The following FBXO27 variants were observed in gnomAD, a reference collection of about 807,000 sequenced individuals.
FBXO27 encodes the protein F-box protein 27.
A neutral mutation model predicts 28.3 loss-of-function variants in FBXO27; 28 were observed. The observed-to-expected ratio is 0.99, with a 90% CI of 0.73 to 1.36. FBXO27 has a LOEUF of 1.36. FBXO27 is among the 40% of genes most tolerant of loss of function. The pLI, the probability that FBXO27 is intolerant of heterozygous loss-of-function variation, is 0.00. For missense variants in FBXO27, 388 were observed against 394.1 expected, an observed-to-expected ratio of 0.98 and a Z score of 0.13; for synonymous variants, 175 against 167.3, an observed-to-expected ratio of 1.05 and a Z score of -0.36.
downstream of FBXO27, among the ~76,000 whole-genome samples, chr19:39,019,980 T>C (rs1338389913): frequency 6.6e-6 from 1 of 152,120 alleles, no homozygotes; most frequent in Non-Finnish European, 1.5e-5. Context: ...CTCAAACTCC[T>C]GATCTCAAGC....
At chr19:39,027,550 C>T (rs1202185300) in intron 4 of FBXO27, among the ~76,000 whole-genome samples, 2 of 152,080 alleles carry the variant, frequency 1.3e-5, no homozygotes, top group Admixed American at 1.3e-4. Flanking sequence ...TGCTCTATGC[C>T]CTCCTTTTCT....
rs1600227790 is a variant in FBXO27, at chr19:39,026,980, A to G, written c.598T>C (p.Cys200Arg). ...DWWGARHDSGCMYRLLVQLLD... is the reference protein window; with the variant it reads ...DWWGARHDSGRMYRLLVQLLD... The stretch of plus-strand genomic sequence containing the variant: ...AGTTGGACGAGGAGTCTGTACATAC[A>G]GCCGCTGTCGTGTCGGGCTCCCCAC... Residue 200 changes from cysteine (C) to arginine (R), a missense_variant, in exon 5 of 6, where the codon TGT becomes CGT. By Grantham distance (180) the Cys-to-Arg change is radical. Coordinates refer to ENST00000292853, the MANE Select transcript of FBXO27 (RefSeq NM_178820.5). 4 of 1,614,208 alleles carry G rather than the reference A, an allele frequency of 2.5e-6. No individual in the cohort carries two copies. In the East Asian group the frequency reaches 8.9e-5, roughly 36 times the overall value.
chr19:39,031,667 C>A (rs1487211924), intron 2 of FBXO27, among the ~76,000 whole-genome samples, 197 bp downstream of exon 2: 1 of 151,658 alleles, frequency 6.6e-6, no homozygotes, highest in Non-Finnish European at 1.5e-5. Context: ...CCCACCGGCT[C>A]CCAATGCTGC....
chr19:39,015,621 GACCCTGTC>G (rs1253102906), intron 1 of FBXO27, among the ~76,000 whole-genome samples: 3 of 152,120 alleles, frequency 2.0e-5, no homozygotes, highest in Non-Finnish European at 4.4e-5. Context: ...AACAGAGTGA[GACCCTGTC>G]TCTAAAAGTG....
chr19:39,016,418 C>T (rs868509793), intron 1 of FBXO27, among the ~76,000 whole-genome samples: 12 of 151,800 alleles, frequency 7.9e-5, no homozygotes, highest in Middle Eastern at 3.4e-3. Context: ...GAACTCTGTA[C>T]TTTCTGCTCA....
chr19:39,021,669 A>AT (rs71202491), downstream of FBXO27, among the ~76,000 whole-genome samples: 68 of 148,574 alleles, frequency 4.6e-4, no homozygotes, highest in East Asian at 7.8e-4. Flanking sequence ...TTATACTCAG[A>AT]TTTTTTTTTT....
At chr19:39,024,005 A>C (rs1041805631), downstream of FBXO27, 8 of 152,182 alleles carry the variant, frequency 5.3e-5, no homozygotes, top group African/African-American at 1.9e-4. Context: ...ATTTCTATTA[A>C]AAAGATCTGA....
chr19:39,016,120 G>A (rs2072818503), intron 1 of FBXO27, among the ~76,000 whole-genome samples: 1 of 152,126 alleles, frequency 6.6e-6, no homozygotes, highest in Non-Finnish European at 1.5e-5. Flanking sequence ...GTCCTCTGGG[G>A]TTGAGGGAGG....
Position 39,031,860 on chromosome 19 carries a change from C to T in FBXO27, c.364+4G>A. On this transcript the variant is annotated splice_donor_region_variant and intron_variant, in intron 2 of 5. Transcript: ENST00000292853. ...ATCCTGGACTTCCTCTTCCGAGATCCCACCTTGGCCGCAGGGGTTGCGAAT... is the reference window on the plus strand; with the variant it reads ...ATCCTGGACTTCCTCTTCCGAGATCTCACCTTGGCCGCAGGGGTTGCGAAT... 6.8e-7 allele frequency: 1 copy of T among 1,471,708 alleles called. No homozygotes were observed. The highest frequency in any genetic ancestry group is 8.9e-7 in the Non-Finnish European group (1 of 1,123,716). 91.2% of individuals were successfully genotyped at this position (1,471,708 alleles called of 1,614,324 possible).
intron 1 of FBXO27, among the ~76,000 whole-genome samples, chr19:39,018,831 G>A (rs1488204413): frequency 6.6e-6 from 1 of 152,096 alleles, no homozygotes; most frequent in African/African-American, 2.4e-5. Context: ...CACTTTGGGA[G>A]GCTGAGGTGG....
At chr19:39,017,408 T>A (rs888486756) in intron 1 of FBXO27, among the ~76,000 whole-genome samples, 1 of 152,108 alleles carries the variant, frequency 6.6e-6, no homozygotes, top group Non-Finnish European at 1.5e-5. Flanking sequence ...AAATCATACG[T>A]TTAGGCCAGG....
chr19:39,010,610 G>A (rs184594771), intron 2 of FBXO27, among the ~76,000 whole-genome samples: 8 of 152,286 alleles, frequency 5.3e-5, no homozygotes, highest in African/African-American at 9.6e-5. Context: ...TCAGTTTACC[G>A]TTGCCATCGC....
At position 39,031,034 on chromosome 19, in the gene FBXO27, A is replaced by G. The variant is rs374869599; in HGVS notation, c.567T>C (p.Ser189=). 3.7e-6 allele frequency: 6 copies of G among 1,611,402 alleles called. No individual in the cohort carries two copies. In the African/African-American group the frequency reaches 8.2e-5, roughly 22 times the overall value. Residue 189 remains serine (S), a synonymous_variant, in exon 4 of 6, where the codon TCT becomes TCC. Coordinates refer to ENST00000292853, the MANE Select transcript of FBXO27 (RefSeq NM_178820.5). The stretch of plus-strand genomic sequence containing the variant: ...ATTTTAATCGTCACACTCACCAGTC[A>G]GAGACACAAATCTCAATCCTGCCAC... ...LDSGRIEICV[S]DWWGARHDSG...
downstream of FBXO27, among the ~76,000 whole-genome samples, chr19:39,022,655 C>G (rs1367676402): frequency 6.6e-6 from 1 of 151,872 alleles, no homozygotes; most frequent in Non-Finnish European, 1.5e-5. Flanking sequence ...AAGTCTCTGT[C>G]GCCCAGGCTG....
chr19:39,008,198 G>A (rs2072778655), intron 2 of FBXO27, among the ~76,000 whole-genome samples: 1 of 151,780 alleles, frequency 6.6e-6, no homozygotes, highest in Non-Finnish European at 1.5e-5. Context: ...CTGGGAACCA[G>A]AGGTTGCAGT....
At chr19:39,030,729 A>C in intron 4 of FBXO27, 1 of 370,150 alleles carries the variant, frequency 2.7e-6, no homozygotes, top group East Asian at 5.7e-5. Context: ...CAGCCTCCCA[A>C]GTATGTGGGA....
chr19:39,029,453 T>C (rs1450755790), intron 4 of FBXO27, among the ~76,000 whole-genome samples: 1 of 149,942 alleles, frequency 6.7e-6, no homozygotes, highest in Non-Finnish European at 1.5e-5. Context: ...AAAGTGAATT[T>C]GCTAAGGCCC....
At chr19:39,025,894 T>C (rs1338130254) in intron 5 of FBXO27, among the ~76,000 whole-genome samples, 1 of 152,128 alleles carries the variant, frequency 6.6e-6, no homozygotes, top group East Asian at 1.9e-4. Context: ...GGCACGTGCC[T>C]GTAGTCCCAT....
At chr19:39,013,236 C>T (rs543975105) in intron 2 of FBXO27, among the ~76,000 whole-genome samples, 2 of 152,178 alleles carry the variant, frequency 1.3e-5, no homozygotes, top group Non-Finnish European at 1.5e-5. Context: ...AATGAGGCGT[C>T]TCCCAAGTGT....
Sources: gnomAD v4.1 joint callset for allele counts (sites outside exome capture counted in the v4.1 genomes callset) on GRCh38, gnomAD v4.1.1 for gene constraint, MANE v1.5 for transcripts, NCBI Gene and HGNC (gene_info 2026-07-23, HGNC 2026-07-21) for gene names.